Variants in CUX2 observed in about 807,000 individuals in gnomAD.
The protein encoded by CUX2 is cut like homeobox 2.
Under a neutral mutation model 144.8 loss-of-function variants are expected in CUX2, and 40 were observed. The observed-to-expected ratio is 0.28, with a 90% CI of 0.21 to 0.36. CUX2 has a LOEUF of 0.36. Among genes scored for constraint, CUX2 ranks in the 10% least tolerant of loss-of-function variants. The probability of loss-of-function intolerance (pLI) is 1.00; values close to 1 mark genes in which losing one functional copy is unlikely to be tolerated. For synonymous variants in CUX2, 827 were observed against 875.6 expected (o/e 0.94, Z 0.98); for missense variants, 1,615 against 1,994.0 (o/e 0.81, Z 3.62).
chr12:111,199,821 G>A (rs900419649), intron 1 of CUX2, among the ~76,000 whole-genome samples: 12 of 151,910 alleles, frequency 7.9e-5, no homozygotes, highest in African/African-American at 2.7e-4. Context: ...GGATCTCTGT[G>A]TGTCTGTGTG....
At chr12:111,036,545 G>A (rs1289790699) in intron 1 of CUX2, among the ~76,000 whole-genome samples, 9 of 152,108 alleles carry the variant, frequency 5.9e-5, no homozygotes, top group Non-Finnish European at 1.2e-4. Flanking sequence ...GAACTGGAAA[G>A]GATAAAGGTA....
At chr12:111,252,788 G>A (rs753049812) in intron 3 of CUX2, among the ~76,000 whole-genome samples, 5 of 149,876 alleles carry the variant, frequency 3.3e-5, no homozygotes, top group African/African-American at 9.7e-5. Flanking sequence ...TAGGCCAGGC[G>A]TAGTGGCTCA....
chr12:111,141,152 C>A (rs967007206), intron 1 of CUX2, among the ~76,000 whole-genome samples: 1 of 152,104 alleles, frequency 6.6e-6, no homozygotes, highest in African/African-American at 2.4e-5. Context: ...TCAGTGATTT[C>A]TCAGGCCCTT....
rs773393344 is a variant in CUX2, at chr12:111,310,588, G to C, written c.1806G>C (p.Thr602=). 5 of 1,613,792 alleles carry C rather than the reference G, an allele frequency of 3.1e-6. No homozygotes were observed. In the East Asian group the frequency reaches 8.9e-5, roughly 29 times the overall value. ...LARPKPWRKL[T]VKGKEPFIKM... is the part of the protein sequence containing the mutation. ...GGCCCAAGCCCTGGCGCAAGCTCAC[G>C]GTGAAGGGCAAGGAGCCCTTCATCA... Residue 602 remains threonine (T), a synonymous_variant, in exon 15 of 22, where the codon ACG becomes ACC. Transcript: ENST00000261726. The surrounding 1 kb of genome is among the most constrained non-coding windows in gnomAD (Gnocchi z 7.9).
At chr12:111,134,521 T>A (rs1875710626) in intron 1 of CUX2, among the ~76,000 whole-genome samples, 1 of 152,156 alleles carries the variant, frequency 6.6e-6, no homozygotes, top group South Asian at 2.1e-4. Context: ...TAAAATTCTG[T>A]TCCTCTCTAA....
intron 1 of CUX2, among the ~76,000 whole-genome samples, chr12:111,169,896 G>C (rs998291583): frequency 1.3e-5 from 2 of 152,162 alleles, no homozygotes; most frequent in Non-Finnish European, 1.5e-5. Context: ...GAGGGCATGA[G>C]GGTGGCAGGG....
chr12:111,133,669 T>C (rs991190380), intron 1 of CUX2, among the ~76,000 whole-genome samples: 1 of 152,166 alleles, frequency 6.6e-6, no homozygotes, highest in East Asian at 1.9e-4. Context: ...AGGGGCCTGC[T>C]GGGAATTCAG....
intron 3 of CUX2, among the ~76,000 whole-genome samples, chr12:111,256,788 C>G (rs946691477): frequency 6.6e-6 from 1 of 152,116 alleles, no homozygotes; most frequent in Non-Finnish European, 1.5e-5. Flanking sequence ...AGAACAGGGC[C>G]GGTCACAATG....
intron 4 of CUX2, among the ~76,000 whole-genome samples, chr12:111,290,438 A>AT (rs1458757784): frequency 6.6e-6 from 1 of 151,590 alleles, no homozygotes; most frequent in African/African-American, 2.4e-5. Context: ...ATTTTATTTT[A>AT]TTTTTTTGAG....
intron 1 of CUX2, among the ~76,000 whole-genome samples, chr12:111,141,781 T>C (rs1190979043): frequency 6.6e-6 from 1 of 152,142 alleles, no homozygotes; most frequent in African/African-American, 2.4e-5. Context: ...GACCGTGACA[T>C]TGATGGTGAT....
intron 1 of CUX2, among the ~76,000 whole-genome samples, chr12:111,167,706 C>G (rs915639280): frequency 2.9e-5 from 4 of 135,902 alleles, no homozygotes; most frequent in African/African-American, 8.4e-5. Context: ...TTGTTTGTTT[C>G]TTTTTTGAGA....
chr12:111,300,099 G>A (rs374624576), intron 9 of CUX2, among the ~76,000 whole-genome samples: 37 of 152,188 alleles, frequency 2.4e-4, no homozygotes, highest in African/African-American at 8.7e-4. Flanking sequence ...ATGTTGCCCA[G>A]AATATATCTA....
intron 3 of CUX2, among the ~76,000 whole-genome samples, chr12:111,242,384 C>G (rs945416513): frequency 6.6e-6 from 1 of 152,204 alleles, no homozygotes; most frequent in African/African-American, 2.4e-5. Flanking sequence ...CACATTCGTT[C>G]ACATATTTCC....
intron 18 of CUX2, among the ~76,000 whole-genome samples, chr12:111,328,269 C>T (rs895863277): frequency 9.9e-5 from 15 of 152,144 alleles, no homozygotes; most frequent in Non-Finnish European, 1.9e-4. Context: ...GTCCAAGCCC[C>T]GCTTGTGTAT....
chr12:111,258,176 G>A (rs1234127949), intron 3 of CUX2, among the ~76,000 whole-genome samples: 1 of 152,164 alleles, frequency 6.6e-6, no homozygotes, highest in Non-Finnish European at 1.5e-5. Flanking sequence ...GCCAAGAGAT[G>A]CTCATAGTGA....
At chr12:111,220,985 G>T (rs1300628286) in intron 3 of CUX2, among the ~76,000 whole-genome samples, 1 of 148,302 alleles carries the variant, frequency 6.7e-6, no homozygotes, top group East Asian at 2.0e-4. Context: ...AAACACTTCA[G>T]CAGCATGGAG....
chr12:111,161,164 G>T (rs1274469250), intron 1 of CUX2, among the ~76,000 whole-genome samples: 1 of 152,280 alleles, frequency 6.6e-6, no homozygotes, highest in East Asian at 1.9e-4. Context: ...TGGATCACTG[G>T]AAGGGTACTT....
At chr12:111,125,359 A>T (rs1004210485) in intron 1 of CUX2, among the ~76,000 whole-genome samples, 2 of 152,028 alleles carry the variant, frequency 1.3e-5, no homozygotes, top group Non-Finnish European at 2.9e-5. Flanking sequence ...TTGTGTTTTT[A>T]GTAGAGACAA....
rs987544456 is a variant in CUX2 at position 111,293,421 on chromosome 12, G to T, written c.437-25G>T. On this transcript the variant is annotated intron_variant, in intron 5 of 21. Coordinates refer to ENST00000261726, the MANE Select transcript of CUX2 (RefSeq NM_015267.4). The surrounding 1 kb of genome is among the most constrained non-coding windows in gnomAD (Gnocchi z 4.5). ...CCACGTTGCTCTCTTGGCAATGGGG[G>T]TTTTCCCTCTTTTTCTCCCTGCAGA... is the stretch of plus-strand genomic sequence containing the variant. The T allele has an allele frequency of 1.9e-6, 3 of 1,594,810 alleles. No homozygotes were observed. Among genetic ancestry groups the T allele is most frequent in the Admixed American group, 1.8e-5 (1 of 56,026 alleles).
Sources: gnomAD v4.1 joint callset for allele counts (sites outside exome capture counted in the v4.1 genomes callset) on GRCh38, gnomAD v4.1.1 for gene constraint, Gnocchi (gnomAD v3.1) non-coding constraint, MANE v1.5 for transcripts, NCBI Gene and HGNC (gene_info 2026-07-23, HGNC 2026-07-21) for gene names.